The following SLC44A2 variants were observed in gnomAD, a reference collection of about 807,000 sequenced individuals.
SLC44A2 encodes choline transporter-like protein 2.
In SLC44A2, 57 loss-of-function variants were observed where a neutral mutation model predicts 90.8. The observed-to-expected ratio is 0.63, with a 90% CI of 0.51 to 0.78. The LOEUF (loss-of-function observed/expected upper bound fraction) is 0.78. Among genes scored for constraint, SLC44A2 ranks in the 30% least tolerant of loss-of-function variants. The pLI, the probability that SLC44A2 is intolerant of heterozygous loss-of-function variation, is 0.00. For synonymous variants in SLC44A2, 355 were observed against 360.7 expected, an observed-to-expected ratio of 0.98 and a Z score of 0.18; for missense variants, 794 against 919.7, an observed-to-expected ratio of 0.86 and a Z score of 1.77.
At position 10,638,378 on chromosome 19, in the gene SLC44A2, T is replaced by C. The variant is rs2067081968; in HGVS notation, c.1929+63T>C. The C allele has an allele frequency of 3.5e-6, 5 of 1,439,724 alleles. No homozygotes were observed. In the South Asian group the frequency reaches 5.7e-5, roughly 16 times the overall value. The allele number at this position is 1,439,724 out of a possible 1,614,324, so 89.2% of individuals were successfully genotyped here. A position where few individuals can be genotyped will look rare whatever the true frequency, so the allele number is the denominator to read the frequency against. ...AAGAGGTGTTGGGATTTGCTTGGTC[T>C]TCTTTGACTAGATAAATGTGGATAG... On this transcript the variant is annotated intron_variant, in intron 20 of 21. Transcript: ENST00000335757.
intron 1 of SLC44A2, among the ~76,000 whole-genome samples, chr19:10,611,994 G>T (rs1918316849): frequency 6.6e-6 from 1 of 152,088 alleles, no homozygotes. Context: ...TCACCTCAGA[G>T]GTAGCTCAGC....
chr19:10,633,725 G>A lies in SLC44A2; in HGVS notation c.824-1031G>A, dbSNP rs566986500. ...TCCCGCCTTGGCCTCCCTAAGTGTT[G>A]GGATTACAGGCGCAAGCCACTGTGC... On this transcript the variant is annotated intron_variant, in intron 10 of 21. Transcript: ENST00000335757. Among the ~76,000 whole-genome samples the A allele has an allele frequency of 5.9e-5, 9 of 152,286 alleles. No homozygotes were observed. The South Asian group carries it at 1.7e-3, about 28-fold the overall frequency.
chr19:10,629,261 C>CTATTATTATTATTGT (rs1555760493), intron 4 of SLC44A2, among the ~76,000 whole-genome samples: 1 of 144,364 alleles, frequency 6.9e-6, no homozygotes, highest in Non-Finnish European at 1.5e-5. Flanking sequence ...AGTTTTTAAA[C>CTATTATTATTATTGT]TATTATTATT....
In SLC44A2 at chr19:10,614,802, C is replaced by T. The variant is rs148184972; in HGVS notation, c.32-11451C>T. On this transcript the variant is annotated intron_variant, in intron 1 of 21. Transcript: ENST00000407327. ...CCTGGCCAACATGGTGAAACCACGTCTCTATTAAAAATACAAAAATTAGCC... is the reference window on the plus strand; with the variant it reads ...CCTGGCCAACATGGTGAAACCACGTTTCTATTAAAAATACAAAAATTAGCC... Among the ~76,000 whole-genome samples, 89 of 150,714 alleles carry T rather than the reference C, an allele frequency of 5.9e-4. 1 individual carries two copies. In the East Asian group the frequency reaches 0.016, roughly 26 times the overall value.
chr19:10,604,144 G>A (rs560223133), intron 1 of SLC44A2, among the ~76,000 whole-genome samples: 2 of 152,280 alleles, frequency 1.3e-5, no homozygotes, highest in South Asian at 2.1e-4. Context: ...ATCCTTGACC[G>A]CAGGGAGTAG....
chr19:10,614,720 C>T (rs1599231242), intron 1 of SLC44A2, among the ~76,000 whole-genome samples: 1 of 151,612 alleles, frequency 6.6e-6, no homozygotes, highest in East Asian at 2.0e-4. Flanking sequence ...CCGATAATCC[C>T]AGCACTTTGG....
chr19:10,636,143 T>C (rs2144876129), intron 14 of SLC44A2, 180 bp from the exon 15 acceptor site: 1 of 724,108 alleles, frequency 1.4e-6, no homozygotes, highest in African/African-American at 1.8e-5. Context: ...CCACGTCTTG[T>C]TTCTAGAATC....
upstream of SLC44A2, chr19:10,625,442 G>A (rs1441386841): frequency 1.3e-5 from 16 of 1,209,346 alleles, no homozygotes; most frequent in South Asian, 8.6e-5. Context: ...CCCCGCCCGC[G>A]CCCTCCCGGG....
chr19:10,636,769 C>A lies in SLC44A2; in HGVS notation c.1591+13C>A. ...CAGCGGCTGAAAGGTACGTCCCACC[C>A]ACGGTTCGCATTAGCTCCTGTTGCG... is the stretch of plus-strand genomic sequence containing the variant. On this transcript the variant is annotated intron_variant, in intron 16 of 21. Coordinates refer to ENST00000335757, the MANE Select transcript of SLC44A2 (RefSeq NM_020428.4). 1 of 1,610,640 alleles carries A rather than the reference C, an allele frequency of 6.2e-7. No homozygotes were observed. Among genetic ancestry groups the A allele is most frequent in the South Asian group, 1.1e-5 (1 of 90,450 alleles).
At chr19:10,641,393 CA>C (rs755728428) in intron 20 of SLC44A2, 360 of 322,272 alleles carry the variant, frequency 1.1e-3, no homozygotes, top group Admixed American at 2.9e-3. Context: ...GACCCTGTCT[CA>C]AAAAAAAAAC....
rs751010600 is a variant in SLC44A2, at chr19:10,643,309, C to A, written c.2045C>A (p.Ala682Asp). The A allele has an allele frequency of 6.2e-7, 1 of 1,610,524 alleles. No individual in the cohort carries two copies. The highest frequency in any genetic ancestry group is 2.2e-5 in the East Asian group (1 of 44,714). Residue 682 changes from alanine (A) to aspartate (D), a missense_variant, in exon 22 of 22, where the codon GCC becomes GAC. By Grantham distance (126) the Ala-to-Asp change is moderately radical. This residue lies in a region of SLC44A2 where 44 missense variants were observed against 43.9 expected (regional missense o/e 1.00). Transcript: ENST00000335757. The stretch of plus-strand genomic sequence containing the variant: ...GACCTGGAGAGGAATGACGGCTCGG[C>A]CGAGAGGCCTTACTTCATGTCTTCC... The part of the protein sequence containing the change: ...LEDLERNDGS[A>D]ERPYFMSSTL...
rs374362783 is a variant in SLC44A2 at position 10,625,637 on chromosome 19, G to A, written c.4G>A (p.Gly2Arg). Residue 2 changes from glycine (G) to arginine (R), a missense_variant, in exon 1 of 22, where the codon GGG becomes AGG. By Grantham distance (125) the Gly-to-Arg change is moderately radical. Transcript: ENST00000335757. M[G>R]DERPHYYGKH... Reference sequence around the variant, plus strand: ...CCGGGGCTGGTCGCCTGCAGGGATGGGGGACGAGCGGCCCCACTACTACGG... The same window carrying A: ...CCGGGGCTGGTCGCCTGCAGGGATGAGGGACGAGCGGCCCCACTACTACGG... The A allele has an allele frequency of 2.4e-6, 3 of 1,248,402 alleles. No individual in the cohort carries two copies. The highest frequency in any genetic ancestry group is 3.1e-5 in the East Asian group (1 of 31,758). 77.3% of individuals were successfully genotyped at this position (1,248,402 alleles called of 1,614,324 possible). A position where few individuals can be genotyped will look rare whatever the true frequency, so the allele number is the denominator to read the frequency against.
At chr19:10,641,615 G>C (rs1056599365) in intron 20 of SLC44A2, among the ~76,000 whole-genome samples, 11 of 152,162 alleles carry the variant, frequency 7.2e-5, no homozygotes, top group African/African-American at 2.7e-4. Flanking sequence ...CACTTGGGGA[G>C]GCCAAGGTGG....
intron 1 of SLC44A2, among the ~76,000 whole-genome samples, chr19:10,612,665 G>A (rs576193363): frequency 1.3e-5 from 2 of 152,306 alleles, no homozygotes; most frequent in South Asian, 4.1e-4. Flanking sequence ...AGCTGTGGGG[G>A]CTGGGTGGCA....
intron 1 of SLC44A2, among the ~76,000 whole-genome samples, chr19:10,615,806 T>C (rs2066850612): frequency 6.6e-6 from 1 of 152,130 alleles, no homozygotes; most frequent in African/African-American, 2.4e-5. Flanking sequence ...GGGCACCTTC[T>C]TTCTCTCTAG....
chr19:10,636,635 G>A lies in SLC44A2; in HGVS notation c.1497-27G>A, dbSNP rs1210946492. 5 of 1,608,118 alleles carry A rather than the reference G, an allele frequency of 3.1e-6. No homozygotes were observed. The African/African-American group carries it at 5.4e-5, about 17-fold the overall frequency. ...GGGGTGGAGGACGAGGCCTGGCCCA[G>A]CCACCGACCACTCCCTCGGCCCGCA... On this transcript the variant is annotated intron_variant, in intron 15 of 21. Coordinates refer to ENST00000335757, the MANE Select transcript of SLC44A2 (RefSeq NM_020428.4).
At chr19:10,636,124 C>A in intron 14 of SLC44A2, 199 bp from the exon 15 acceptor site, 1 of 641,404 alleles carries the variant, frequency 1.6e-6, no homozygotes, top group Non-Finnish European at 2.6e-6. Flanking sequence ...TTCTTGACCC[C>A]AGTGATGGCC....
rs543536430 is a variant in SLC44A2 at position 10,640,929 on chromosome 19, AC to A, written c.1930-1437del. 6.8e-4 allele frequency: 146 copies of A among 215,764 alleles called. 2 individuals carry two copies. The Admixed American group carries it at 7.8e-3, about 12-fold the overall frequency. The allele number at this position is 215,764 out of a possible 1,614,324, so 13.4% of individuals were successfully genotyped here. A position where few individuals can be genotyped will look rare whatever the true frequency, so the allele number is the denominator to read the frequency against. ...GTGAAACCCCATCTCTACTAAAAAT[AC>A]AAAAAAATTAGTCAGGTGTGCTGGT... On this transcript the variant is annotated intron_variant, in intron 20 of 21. Coordinates refer to ENST00000335757, the MANE Select transcript of SLC44A2 (RefSeq NM_020428.4).
chr19:10,632,014 G>A, intron 9 of SLC44A2, 30 bp from the exon 10 acceptor site: 3 of 1,613,794 alleles, frequency 1.9e-6, no homozygotes, highest in Non-Finnish European at 2.5e-6. Context: ...TGAGGGTGGA[G>A]TCTGTTCATG....
Sources: gnomAD v4.1 joint callset for allele counts (sites outside exome capture counted in the v4.1 genomes callset) on GRCh38, gnomAD v4.1.1 for gene constraint, gnomAD v4.1.1 regional missense constraint, MANE v1.5 for transcripts, NCBI Gene and HGNC (gene_info 2026-07-23, HGNC 2026-07-21) for gene names.